The following RARB variants were observed in gnomAD, a reference collection of about 807,000 sequenced individuals.
RARB encodes the protein HBV-activated protein.
In RARB, 17 loss-of-function variants were observed where a neutral mutation model predicts 51.9. The ratio of observed to expected loss-of-function variants is 0.33; its 90% CI spans 0.22 to 0.49. The LOEUF (loss-of-function observed/expected upper bound fraction) is 0.49, where lower values mean the gene tolerates loss of function less well. RARB is among the 20% of genes least tolerant of loss of function. The pLI, the probability that RARB is intolerant of heterozygous loss-of-function variation, is 0.99. For synonymous variants in RARB, 215 were observed against 195.4 expected, an observed-to-expected ratio of 1.10 and a Z score of -0.84; for missense variants, 369 against 550.8, an observed-to-expected ratio of 0.67 and a Z score of 3.30.
intron 5 of RARB, among the ~76,000 whole-genome samples, chr3:25,385,661 T>C (rs778844075): frequency 1.3e-5 from 2 of 151,878 alleles, no homozygotes; most frequent in Non-Finnish European, 2.9e-5. Context: ...ATATATATAT[T>C]GCTGTTTGCC....
intron 2 of RARB, among the ~76,000 whole-genome samples, chr3:24,947,472 G>A (rs145846060): frequency 1.9e-3 from 282 of 152,302 alleles, no homozygotes; most frequent in African/African-American, 6.4e-3. Flanking sequence ...TAGAACGTGT[G>A]TAAATCATGA....
intron 4 of RARB, among the ~76,000 whole-genome samples, chr3:25,145,161 A>G (rs1700167157): frequency 6.6e-6 from 1 of 152,172 alleles, no homozygotes; most frequent in Non-Finnish European, 1.5e-5. Context: ...AAATATTGAC[A>G]ATAAAATTGC....
intron 3 of RARB, among the ~76,000 whole-genome samples, chr3:25,109,412 G>C (rs1699562704): frequency 6.6e-6 from 1 of 151,890 alleles, no homozygotes; most frequent in Non-Finnish European, 1.5e-5. Context: ...TGATCTGGGG[G>C]GATCAAATCA....
chr3:25,571,764 T>C (rs1031444542), intron 4 of RARB, among the ~76,000 whole-genome samples: 7 of 152,128 alleles, frequency 4.6e-5, no homozygotes, highest in Non-Finnish European at 8.8e-5. Flanking sequence ...CATCTCTAAA[T>C]GGGAATAATG....
At chr3:25,301,801 C>T (rs1163729735) in intron 5 of RARB, among the ~76,000 whole-genome samples, 1 of 152,180 alleles carries the variant, frequency 6.6e-6, no homozygotes, top group Non-Finnish European at 1.5e-5. Flanking sequence ...GCACTAATAT[C>T]ACATCTGAGA....
intron 6 of RARB, 81 bp downstream of exon 6, chr3:25,593,788 C>T: frequency 2.2e-6 from 3 of 1,390,766 alleles, no homozygotes; most frequent in South Asian, 2.6e-5. Flanking sequence ...TCCTCATTTC[C>T]CTTTTGGAGT....
chr3:25,469,099 A>G (rs1395969985), intron 2 of RARB, among the ~76,000 whole-genome samples: 1 of 152,264 alleles, frequency 6.6e-6, no homozygotes, highest in African/African-American at 2.4e-5. Context: ...CATTTTTCTC[A>G]TCTGCCTTTG....
At chr3:25,130,555 G>A (rs775553408) in intron 3 of RARB, among the ~76,000 whole-genome samples, 42 of 151,780 alleles carry the variant, frequency 2.8e-4, no homozygotes, top group Non-Finnish European at 5.4e-4. Flanking sequence ...CTGGCGCACT[G>A]CATTTTTTTC....
At chr3:25,438,224 G>A (rs1708514024) in intron 1 of RARB, among the ~76,000 whole-genome samples, 1 of 152,194 alleles carries the variant, frequency 6.6e-6, no homozygotes, top group Admixed American at 6.5e-5. Context: ...GAACCTTCCA[G>A]GAAGGAGGCA....
At chr3:24,842,690 C>G (rs1702434062) in intron 1 of RARB, among the ~76,000 whole-genome samples, 1 of 152,186 alleles carries the variant, frequency 6.6e-6, no homozygotes, top group Non-Finnish European at 1.5e-5. Flanking sequence ...AGAGCCCACT[C>G]TATACCCATT....
chr3:25,508,877 C>A (rs186007898), intron 3 of RARB, among the ~76,000 whole-genome samples: 65 of 146,276 alleles, frequency 4.4e-4, no homozygotes, highest in Non-Finnish European at 9.0e-4. Flanking sequence ...TATTTGCCTG[C>A]ATCTGTTTAG....
intron 1 of RARB, among the ~76,000 whole-genome samples, chr3:25,460,617 T>C (rs1192931461): frequency 6.6e-6 from 1 of 151,880 alleles, no homozygotes; most frequent in Admixed American, 6.6e-5. Flanking sequence ...CTTGCTAATT[T>C]TTGTATTTTT....
intron 3 of RARB, among the ~76,000 whole-genome samples, chr3:25,124,836 C>G (rs1020216630): frequency 2.0e-5 from 3 of 152,128 alleles, no homozygotes; most frequent in Non-Finnish European, 4.4e-5. Flanking sequence ...AGACACTATA[C>G]CATTGGTCAC....
intron 2 of RARB, among the ~76,000 whole-genome samples, chr3:24,886,367 C>A (rs1703265724): frequency 6.6e-6 from 1 of 152,006 alleles, no homozygotes; most frequent in East Asian, 1.9e-4. Context: ...TCACCTAATC[C>A]TTAATTGAAA....
rs374639408 is a variant in RARB at position 25,025,951 on chromosome 3, A to G, written c.-379-34174A>G. ...ATGGCTTAAAAAATGCTCAAATATC[A>G]ATAATTCCTCTGATTCAACCTGATA... On this transcript the variant is annotated intron_variant, in intron 2 of 11. Transcript: ENST00000383772. 2.2e-4 allele frequency among the ~76,000 whole-genome samples: 33 copies of G among 152,300 alleles called. 1 individual carries two copies. The East Asian group carries it at 6.4e-3, about 29-fold the overall frequency.
At chr3:25,029,364 G>T (rs1697822689) in intron 2 of RARB, among the ~76,000 whole-genome samples, 1 of 152,184 alleles carries the variant, frequency 6.6e-6, no homozygotes, top group Middle Eastern at 3.2e-3. Context: ...TTAGAAAGCA[G>T]GAGGCTCTAC....
chr3:25,388,435 T>C (rs952550900), intron 5 of RARB, among the ~76,000 whole-genome samples: 1 of 152,232 alleles, frequency 6.6e-6, no homozygotes, highest in African/African-American at 2.4e-5. Flanking sequence ...TATCAGAGCA[T>C]TACAATATAC....
chr3:25,072,720 T>TTA (rs1475668586), intron 3 of RARB, among the ~76,000 whole-genome samples: 14 of 152,078 alleles, frequency 9.2e-5, no homozygotes, highest in Admixed American at 5.9e-4. Flanking sequence ...TTATTTATTT[T>TTA]TTTTTTGAGA....
intron 5 of RARB, among the ~76,000 whole-genome samples, chr3:25,223,681 G>C (rs1701995297): frequency 6.6e-6 from 1 of 152,160 alleles, no homozygotes; most frequent in Non-Finnish European, 1.5e-5. Context: ...CATATGAAGA[G>C]AGCAGTCCCT....
Sources: allele counts gnomAD v4.1 joint callset (sites outside exome capture counted in the v4.1 genomes callset), GRCh38; gene constraint gnomAD v4.1.1; transcripts MANE v1.5; gene names NCBI Gene and HGNC (gene_info 2026-07-23, HGNC 2026-07-21).